WIPF1: variants seen among roughly 807,000 people sequenced by gnomAD.
WIPF1 encodes the protein WAS/WASL interacting protein family member 1.
In WIPF1, 13 loss-of-function variants were observed where a neutral mutation model predicts 35.4. The observed-to-expected ratio is 0.37, with a 90% confidence interval of 0.24 to 0.58. The LOEUF is 0.58. WIPF1 is among the 20% of genes least tolerant of loss of function. WIPF1 has a pLI of 0.74. For synonymous variants in WIPF1, 267 were observed against 266.3 expected, an observed-to-expected ratio of 1.00 and a Z score of -0.02; for missense variants, 591 against 667.0, an observed-to-expected ratio of 0.89 and a Z score of 1.25.
intron 1 of WIPF1, among the ~76,000 whole-genome samples, chr2:174,586,636 C>G (rs1308390499): frequency 6.6e-6 from 1 of 152,156 alleles, no homozygotes; most frequent in Non-Finnish European, 1.5e-5. Flanking sequence ...CAGTCCTGTT[C>G]CTTCGCCTCA....
rs752308068 is a variant in WIPF1 at position 174,575,191 on chromosome 2, A to G, written c.358+13T>C. 13 of 1,597,228 alleles carry G rather than the reference A, an allele frequency of 8.1e-6. No homozygotes were observed. The highest frequency in any genetic ancestry group is 1.1e-5 in the Non-Finnish European group (13 of 1,169,276). ...TGTCTTCAGTCACTCAGAGACAGGG[A>G]AACTCTCCTTACCATTATCCCTGTT... is the stretch of plus-strand genomic sequence containing the variant. On this transcript the variant is annotated intron_variant, in intron 4 of 7. Transcript: ENST00000679041.
intron 1 of WIPF1, among the ~76,000 whole-genome samples, chr2:174,672,801 T>C (rs1688048362): frequency 6.6e-6 from 1 of 152,220 alleles, no homozygotes; most frequent in African/African-American, 2.4e-5. Context: ...GCTTGACTAC[T>C]AGGCAACAAA....
intron 1 of WIPF1, among the ~76,000 whole-genome samples, chr2:174,617,409 C>T (rs1686540310): frequency 6.6e-6 from 1 of 152,196 alleles, no homozygotes; most frequent in Admixed American, 6.5e-5. Flanking sequence ...AAAAGAGAGA[C>T]AGCCCAGAAA....
chr2:174,564,899 C>CTT (rs112201736), intron 7 of WIPF1, among the ~76,000 whole-genome samples: 1 of 140,922 alleles, frequency 7.1e-6, no homozygotes, highest in Admixed American at 7.1e-5. Flanking sequence ...TTCACTAACA[C>CTT]TTTTTTTTTT....
intron 1 of WIPF1, among the ~76,000 whole-genome samples, chr2:174,669,610 C>T (rs1054263055): frequency 2.0e-5 from 3 of 152,214 alleles, no homozygotes; most frequent in Admixed American, 6.5e-5. Flanking sequence ...AGCTGGGCGC[C>T]GTGGCTCACG....
intron 2 of WIPF1, among the ~76,000 whole-genome samples, chr2:174,585,320 C>T (rs1020995874): frequency 2.6e-5 from 4 of 152,194 alleles, no homozygotes; most frequent in Admixed American, 6.5e-5. Context: ...ATCCATCACA[C>T]GAGACCTTAA....
Position 174,562,421 on chromosome 2 carries a change from T to C in WIPF1, c.*126A>G. 6.5e-7 allele frequency: 1 copy of C among 1,545,808 alleles called. No individual in the cohort carries two copies. The highest frequency in any genetic ancestry group is 2.3e-5 in the East Asian group (1 of 42,654). ...CCCACCCACACACGCATATTCCCAC[T>C]CCCCCTCCCACCTTTCCTCCTGCCC... On this transcript the variant is annotated 3_prime_UTR_variant, in exon 8 of 8. Transcript: ENST00000679041.
At position 174,585,515 on chromosome 2, in the gene WIPF1, ACACT is replaced by A. The variant is rs1685384616; in HGVS notation, c.51+4_51+7del. On this transcript the variant is annotated splice_donor_5th_base_variant and intron_variant, in intron 2 of 7. Coordinates refer to ENST00000679041, the MANE Select transcript of WIPF1 (RefSeq NM_001375834.1). ...TGCATAGAAAGTGTTTGGGGAGGAGACACTCACCAGTGCAAACGTCGGGGGCGGC... is the reference window on the plus strand; with the variant it reads ...TGCATAGAAAGTGTTTGGGGAGGAGACACCAGTGCAAACGTCGGGGGCGGC... 6.2e-7 allele frequency: 1 copy of A among 1,602,740 alleles called. No individual in the cohort carries two copies. Among genetic ancestry groups the A allele is most frequent in the Non-Finnish European group, 8.5e-7 (1 of 1,174,798 alleles).
chr2:174,590,731 C>T lies in WIPF1; in HGVS notation c.-38-5120G>A, dbSNP rs537828228. The stretch of plus-strand genomic sequence containing the variant: ...CACTTGCTGGGCCTTGCCCTCCTAC[C>T]CCACCCCAACCCAAGCAATGAACTT... On this transcript the variant is annotated intron_variant, in intron 1 of 7. Transcript: ENST00000679041. The surrounding 1 kb of genome is among the most constrained non-coding windows in gnomAD (Gnocchi z 4.6). 1.3e-4 allele frequency among the ~76,000 whole-genome samples: 20 copies of T among 152,270 alleles called. No homozygotes were observed. The highest frequency in any genetic ancestry group is 4.3e-4 in the African/African-American group (18 of 41,564).
chr2:174,612,380 A>T (rs1386196862), intron 1 of WIPF1, among the ~76,000 whole-genome samples: 1 of 152,208 alleles, frequency 6.6e-6, no homozygotes, highest in Non-Finnish European at 1.5e-5. Context: ...ACACAATTTT[A>T]ATAGTTGCAT....
At chr2:174,588,112 A>T (rs145883869) in intron 1 of WIPF1, among the ~76,000 whole-genome samples, 129 of 152,250 alleles carry the variant, frequency 8.5e-4, no homozygotes, top group Middle Eastern at 3.4e-3. Flanking sequence ...GACCAGCAGG[A>T]ACGAAAGGGA....
At chr2:174,674,137 C>T (rs947207907) in intron 1 of WIPF1, among the ~76,000 whole-genome samples, 1 of 152,208 alleles carries the variant, frequency 6.6e-6, no homozygotes, top group Non-Finnish European at 1.5e-5. Context: ...ACGGCAAGGA[C>T]ATGAGAAGCA....
At chr2:174,679,007 T>G (rs1386905376) in intron 1 of WIPF1, among the ~76,000 whole-genome samples, 2 of 152,266 alleles carry the variant, frequency 1.3e-5, no homozygotes, top group African/African-American at 2.4e-5. Flanking sequence ...AACAGTATTT[T>G]GTTCAGGCTA....
At chr2:174,568,153 G>A in intron 5 of WIPF1, 80 bp from the exon 6 acceptor site, 1 of 1,451,674 alleles carries the variant, frequency 6.9e-7, no homozygotes, top group African/African-American at 1.4e-5. Context: ...TACAGCTGAT[G>A]AGGACTTGCT....
chr2:174,572,090 G>A lies in WIPF1; in HGVS notation c.715C>T (p.Pro239Ser), dbSNP rs376434194. Residue 239 changes from proline to serine, a missense_variant, in exon 5 of 8, where the codon CCC (proline) becomes TCC (serine). By Grantham distance (74) the Pro-to-Ser change is moderately conservative. Transcript: ENST00000679041. The stretch of plus-strand genomic sequence containing the variant: ...GAGAAGGGCGAGGAGGAGCTCAAGG[G>A]GGACTGACGTATTGAGCCTCCTCCC... The part of the protein sequence containing the change: ...ALGGGSIRQS[P>S]LSSSSPFSNR... 1.9e-6 allele frequency: 3 copies of A among 1,583,208 alleles called. No individual in the cohort carries two copies. Among genetic ancestry groups the A allele is most frequent in the African/African-American group, 1.3e-5 (1 of 74,260 alleles).
intron 1 of WIPF1, among the ~76,000 whole-genome samples, chr2:174,608,979 G>A (rs1241749016): frequency 6.6e-6 from 1 of 152,206 alleles, no homozygotes; most frequent in African/African-American, 2.4e-5. Context: ...TCTGAACACT[G>A]TGGGAAGGGC....
chr2:174,559,612 G>C lies in WIPF1; in HGVS notation c.*2935C>G, dbSNP rs188558648. 1 of 152,206 alleles carries C rather than the reference G, an allele frequency of 6.6e-6. No individual in the cohort carries two copies. The highest frequency in any genetic ancestry group is 6.5e-5 in the Admixed American group (1 of 15,286). 9.4% of individuals were successfully genotyped at this position (152,206 alleles called of 1,614,324 possible). A position where few individuals can be genotyped will look rare whatever the true frequency, so the allele number is the denominator to read the frequency against. The stretch of plus-strand genomic sequence containing the variant: ...CTTTATTGTCTGGCTAACTTACAAA[G>C]ATGCAGATGTCTAGGGTAGTCTCTA... On this transcript the variant is annotated 3_prime_UTR_variant, in exon 8 of 8. Coordinates refer to ENST00000679041, the MANE Select transcript of WIPF1 (RefSeq NM_001375834.1).
chr2:174,611,019 G>A (rs1559160634), intron 1 of WIPF1, among the ~76,000 whole-genome samples: 2 of 152,242 alleles, frequency 1.3e-5, no homozygotes, highest in East Asian at 3.9e-4. Flanking sequence ...GTTAACTAGC[G>A]AGCAGCTGTG....
At chr2:174,639,052 C>T (rs1464937813) in intron 1 of WIPF1, among the ~76,000 whole-genome samples, 1 of 152,096 alleles carries the variant, frequency 6.6e-6, no homozygotes, top group African/African-American at 2.4e-5. Context: ...AATGGCTGTA[C>T]TAGTTTACAG....
Sources: gnomAD v4.1 joint callset for allele counts (sites outside exome capture counted in the v4.1 genomes callset) on GRCh38, gnomAD v4.1.1 for gene constraint, Gnocchi (gnomAD v3.1) non-coding constraint, MANE v1.5 for transcripts, NCBI Gene and HGNC (gene_info 2026-07-23, HGNC 2026-07-21) for gene names.